The following DPP10 variants were observed in gnomAD, a reference collection of about 807,000 sequenced individuals.
DPP10 encodes inactive dipeptidyl peptidase 10.
DPP10 carries 33 observed loss-of-function variants against 120.9 expected under a neutral mutation model. The ratio of observed to expected loss-of-function variants is 0.27; its 90% confidence interval spans 0.21 to 0.37. The LOEUF is 0.37. Among genes scored for constraint, DPP10 ranks in the 10% least tolerant of loss-of-function variants. The pLI is 1.00. For synonymous variants in DPP10, 337 were observed against 326.1 expected (o/e 1.03, Z -0.36); for missense variants, 816 against 942.8 (o/e 0.87, Z 1.76).
intron 2 of DPP10, among the ~76,000 whole-genome samples, chr2:115,325,391 A>T (rs377186028): frequency 1.3e-5 from 2 of 152,326 alleles, no homozygotes; most frequent in East Asian, 3.9e-4. Context: ...ATTAAAGCTG[A>T]TGATATTACC....
At chr2:115,516,516 T>G (rs919468049) in intron 4 of DPP10, among the ~76,000 whole-genome samples, 14 of 150,868 alleles carry the variant, frequency 9.3e-5, no homozygotes, top group Admixed American at 6.0e-4. Context: ...TTACATCGGT[T>G]AATATATTCA....
chr2:115,678,690 G>T (rs1049598615), intron 5 of DPP10, among the ~76,000 whole-genome samples: 7 of 152,178 alleles, frequency 4.6e-5, no homozygotes, highest in African/African-American at 1.7e-4. Flanking sequence ...CTGTCCTCCA[G>T]ACCCCAGAAT....
intron 19 of DPP10, among the ~76,000 whole-genome samples, chr2:115,800,603 A>G (rs369536374): frequency 6.6e-6 from 1 of 151,972 alleles, no homozygotes; most frequent in Admixed American, 6.6e-5. Context: ...ATCTTGAATT[A>G]ATTTTTGTAT....
intron 1 of DPP10, among the ~76,000 whole-genome samples, chr2:114,792,990 T>TTGTGTGTGTGTGTG (rs55780807): frequency 4.8e-4 from 69 of 143,740 alleles, no homozygotes; most frequent in African/African-American, 1.7e-3. Context: ...AACTGTATTA[T>TTGTGTGTGTGTGTG]TGTGTGTGTG....
chr2:114,757,811 G>C (rs927299355), intron 1 of DPP10, among the ~76,000 whole-genome samples: 2 of 152,066 alleles, frequency 1.3e-5, no homozygotes, highest in Non-Finnish European at 2.9e-5. Flanking sequence ...ACGTGTTTCC[G>C]ATGTGTCCTC....
At chr2:115,769,376 TCCATATA>T (rs1204542778) in intron 13 of DPP10, among the ~76,000 whole-genome samples, 1 of 152,102 alleles carries the variant, frequency 6.6e-6, no homozygotes, top group Non-Finnish European at 1.5e-5. Context: ...ATTACCATTA[TCCATATA>T]CATTTGTATT....
At chr2:115,179,892 T>G (rs879576417) in intron 1 of DPP10, among the ~76,000 whole-genome samples, 1 of 152,162 alleles carries the variant, frequency 6.6e-6, no homozygotes, top group African/African-American at 2.4e-5. Context: ...CAGAAGGAAT[T>G]TTTAGTTAAA....
At chr2:115,156,711 T>C (rs903311716) in intron 1 of DPP10, among the ~76,000 whole-genome samples, 4 of 152,214 alleles carry the variant, frequency 2.6e-5, no homozygotes, top group Non-Finnish European at 4.4e-5. Flanking sequence ...TTAGGGAATC[T>C]TGTCTTGGTT....
chr2:114,460,209 CTATCTATCTATCTATT>C (rs1678818544), intron 1 of DPP10, among the ~76,000 whole-genome samples: 1 of 150,320 alleles, frequency 6.7e-6, no homozygotes, highest in Non-Finnish European at 1.5e-5. Context: ...ATCTATCTAT[CTATCTATCTATCTATT>C]CTAAGAGCAT....
intron 1 of DPP10, among the ~76,000 whole-genome samples, chr2:115,089,361 G>T (rs990606412): frequency 1.3e-5 from 2 of 152,080 alleles, no homozygotes; most frequent in African/African-American, 4.8e-5. Context: ...TGGTTAGACT[G>T]CCATTGGAAT....
intron 1 of DPP10, among the ~76,000 whole-genome samples, chr2:114,466,425 G>A (rs1679382730): frequency 6.6e-6 from 1 of 152,100 alleles, no homozygotes; most frequent in Admixed American, 6.5e-5. Flanking sequence ...ATAGCAAAGG[G>A]TCTTTATTAC....
intron 19 of DPP10, among the ~76,000 whole-genome samples, chr2:115,795,303 A>T (rs1684414615): frequency 6.6e-6 from 1 of 152,108 alleles, no homozygotes; most frequent in South Asian, 2.1e-4. Flanking sequence ...CTACTTTTTC[A>T]TGCTCAAGTT....
chr2:115,020,392 A>T (rs1057392808), intron 1 of DPP10, among the ~76,000 whole-genome samples: 1 of 152,222 alleles, frequency 6.6e-6, no homozygotes, highest in African/African-American at 2.4e-5. Flanking sequence ...ACTTTAAAGC[A>T]AAAGCAGTTT....
At chr2:115,794,586 GA>G (rs150564138) in intron 19 of DPP10, among the ~76,000 whole-genome samples, 2,078 of 152,106 alleles carry the variant, frequency 0.014, 51 homozygotes, top group African/African-American at 0.045. Flanking sequence ...TACCATAATG[GA>G]AAAATCTAAG....
At chr2:115,804,885 C>T (rs747006423) in intron 19 of DPP10, among the ~76,000 whole-genome samples, 1 of 152,202 alleles carries the variant, frequency 6.6e-6, no homozygotes, top group Non-Finnish European at 1.5e-5. Flanking sequence ...GTCAGGGACC[C>T]ACTTGAGGAG....
chr2:115,627,814 A>T (rs1049500392), intron 5 of DPP10, among the ~76,000 whole-genome samples: 5 of 152,146 alleles, frequency 3.3e-5, no homozygotes, highest in Non-Finnish European at 7.4e-5. Flanking sequence ...TTTGCTGAGG[A>T]TAATGGCTCC....
chr2:115,709,750 A>G (rs1296016517), intron 7 of DPP10, among the ~76,000 whole-genome samples: 3 of 152,062 alleles, frequency 2.0e-5, no homozygotes, highest in Middle Eastern at 3.4e-3. Flanking sequence ...AGAGAAAAAC[A>G]AAACAAAACA....
At chr2:114,763,661 C>A (rs1680469667) in intron 1 of DPP10, among the ~76,000 whole-genome samples, 1 of 152,110 alleles carries the variant, frequency 6.6e-6, no homozygotes, top group South Asian at 2.1e-4. Context: ...AATAAAGAAT[C>A]CTTAAAACCA....
intron 1 of DPP10, among the ~76,000 whole-genome samples, chr2:115,046,892 A>G (rs6542241): frequency 0.97 from 147,146 of 152,032 alleles, 71,417 homozygotes; most frequent in Middle Eastern, 1. Context: ...AATCAGAATT[A>G]CCATTTCCTA....
Sources: gnomAD v4.1 joint callset for allele counts (sites outside exome capture counted in the v4.1 genomes callset) on GRCh38, gnomAD v4.1.1 for gene constraint, MANE v1.5 for transcripts, NCBI Gene and HGNC (gene_info 2026-07-23, HGNC 2026-07-21) for gene names.